MTNR1B: variants seen among roughly 807,000 people sequenced by gnomAD.
MTNR1B encodes the protein melatonin receptor 1B, also known as melatonin receptor type 1B.
A neutral mutation model predicts 7.0 loss-of-function variants in MTNR1B; 7 were observed. The ratio of observed to expected loss-of-function variants is 1.00; its 90% confidence interval spans 0.57 to 1.88. The LOEUF (loss-of-function observed/expected upper bound fraction) is 1.88, where lower values mean the gene tolerates loss of function less well. Ranked by LOEUF, MTNR1B falls within the 40% of genes most tolerant of loss-of-function variation. The probability of loss-of-function intolerance (pLI) is 0.00; values close to 1 mark genes in which losing one functional copy is unlikely to be tolerated. For synonymous variants in MTNR1B, 226 were observed against 208.2 expected (o/e 1.09, Z -0.74); for missense variants, 478 against 486.5 (o/e 0.98, Z 0.16).
At chr11:92,974,225 A>G (rs1379883296) in intron 1 of MTNR1B, among the ~76,000 whole-genome samples, 2 of 152,194 alleles carry the variant, frequency 1.3e-5, no homozygotes, top group Non-Finnish European at 2.9e-5. Context: ...TAATTGAATC[A>G]TGAGAGCAAG....
At chr11:92,980,693 A>G (rs1437674996) in intron 1 of MTNR1B, among the ~76,000 whole-genome samples, 1 of 152,198 alleles carries the variant, frequency 6.6e-6, no homozygotes, top group Non-Finnish European at 1.5e-5. Flanking sequence ...CAGGCAAAGC[A>G]GGGAGGCCCC....
chr11:92,982,292 C>T lies in MTNR1B; in HGVS notation c.1069C>T (p.His357Tyr). 6.2e-7 allele frequency: 1 copy of T among 1,612,778 alleles called. No individual in the cohort carries two copies. The highest frequency in any genetic ancestry group is 8.5e-7 in the Non-Finnish European group (1 of 1,179,594). The change falls in exon 2 of 2, where the codon CAC becomes TAC. Residue 357 changes from histidine (H) to tyrosine (Y), a missense_variant. By Grantham distance (83) the His-to-Tyr change is moderately conservative. Coordinates refer to ENST00000257068, the MANE Select transcript of MTNR1B (RefSeq NM_005959.5). Reference protein sequence around the residue: ...SPAPPIIGVQHQADAL With the variant: ...SPAPPIIGVQYQADAL ...AGCTCCACCCATCATTGGTGTGCAGCACCAGGCAGATGCTCTCTAGCCTGG... is the reference window on the plus strand; with the variant it reads ...AGCTCCACCCATCATTGGTGTGCAGTACCAGGCAGATGCTCTCTAGCCTGG...
chr11:92,980,576 G>A (rs543276726), intron 1 of MTNR1B, among the ~76,000 whole-genome samples: 27 of 152,298 alleles, frequency 1.8e-4, no homozygotes, highest in East Asian at 5.8e-4. Flanking sequence ...TAATTGATGG[G>A]TGTATCATTT....
intron 1 of MTNR1B, among the ~76,000 whole-genome samples, chr11:92,976,506 T>TA (rs1365793242): frequency 7.7e-6 from 1 of 129,560 alleles, no homozygotes; most frequent in Non-Finnish European, 1.6e-5. Context: ...CTCTTTCCTT[T>TA]AAGAGAGAAA....
chr11:92,969,871 T>C lies in MTNR1B; in HGVS notation c.146T>C (p.Val49Ala). 2 of 1,611,926 alleles carry C rather than the reference T, an allele frequency of 1.2e-6. No homozygotes were observed. The highest frequency in any genetic ancestry group is 1.7e-6 in the Non-Finnish European group (2 of 1,179,556). Reference protein sequence around the residue: ...VAPALSAVLIVTTAVDVVGNL... With the variant: ...VAPALSAVLIATTAVDVVGNL... Reference sequence around the variant, plus strand: ...CCAGCGCTGTCCGCGGTGCTCATCGTCACCACCGCCGTGGACGTCGTGGGC... The same window carrying C: ...CCAGCGCTGTCCGCGGTGCTCATCGCCACCACCGCCGTGGACGTCGTGGGC... Residue 49 changes from valine to alanine, a missense_variant, in exon 1 of 2, where the codon GTC becomes GCC. By Grantham distance (64) the Val-to-Ala change is moderately conservative (BLOSUM62 0). Coordinates refer to ENST00000257068, the MANE Select transcript of MTNR1B (RefSeq NM_005959.5).
intron 1 of MTNR1B, among the ~76,000 whole-genome samples, chr11:92,975,589 T>C (rs532874558): frequency 4.9e-4 from 74 of 152,324 alleles, no homozygotes; most frequent in African/African-American, 1.7e-3. Context: ...GATGGGAATA[T>C]TCTGCCTATG....
chr11:92,984,017 A>T (rs1449673176), downstream of MTNR1B, among the ~76,000 whole-genome samples: 1 of 152,170 alleles, frequency 6.6e-6, no homozygotes, highest in East Asian at 1.9e-4. Flanking sequence ...ACAGCACCCT[A>T]CTTCTATCCC....
downstream of MTNR1B, chr11:92,984,897 C>T (rs763092378): frequency 7.5e-5 from 34 of 456,084 alleles, no homozygotes; most frequent in Non-Finnish European, 1.5e-4. Flanking sequence ...TTTGGAATGA[C>T]CTCATGCTGT....
chr11:92,970,310 C>T (rs765156876), intron 1 of MTNR1B, among the ~76,000 whole-genome samples: 8 of 152,234 alleles, frequency 5.3e-5, no homozygotes, highest in Non-Finnish European at 8.8e-5. Context: ...AGAAATCTCA[C>T]CACCTGTACT....
intron 1 of MTNR1B, among the ~76,000 whole-genome samples, chr11:92,977,996 A>G (rs1858037767): frequency 6.6e-6 from 1 of 152,368 alleles, no homozygotes; most frequent in South Asian, 2.1e-4. Flanking sequence ...TCCATCTGGC[A>G]TAGTCAAAGG....
chr11:92,979,742 G>C (rs1359806710), intron 1 of MTNR1B, among the ~76,000 whole-genome samples: 1 of 152,170 alleles, frequency 6.6e-6, no homozygotes, highest in African/African-American at 2.4e-5. Context: ...ACTTGTGTGG[G>C]TTCTCAGTGG....
In MTNR1B at chr11:92,982,070, C is replaced by T. The variant is rs1244321359; in HGVS notation, c.847C>T (p.Pro283Ser). ...AVAINPQEMAPQIPEGLFVTS... is the reference protein window; with the variant it reads ...AVAINPQEMASQIPEGLFVTS... Reference sequence around the variant, plus strand: ...GGCCATCAACCCCCAAGAAATGGCTCCCCAGATCCCTGAGGGGCTATTTGT... The same window carrying T: ...GGCCATCAACCCCCAAGAAATGGCTTCCCAGATCCCTGAGGGGCTATTTGT... Residue 283 changes from proline (P) to serine (S), a missense_variant, in exon 2 of 2, where the codon CCC (proline) becomes TCC (serine). Coordinates refer to ENST00000257068, the MANE Select transcript of MTNR1B (RefSeq NM_005959.5). 2 of 1,614,108 alleles carry T rather than the reference C, an allele frequency of 1.2e-6. No homozygotes were observed. Among genetic ancestry groups the T allele is most frequent in the African/African-American group, 2.7e-5 (2 of 74,932 alleles).
Position 92,969,848 on chromosome 11 carries a change from A to G in MTNR1B, c.123A>G (p.Pro41=). 1.2e-6 allele frequency: 2 copies of G among 1,610,048 alleles called. No homozygotes were observed. The highest frequency in any genetic ancestry group is 8.5e-7 in the Non-Finnish European group (1 of 1,178,986). Residue 41 remains proline, a synonymous_variant, in exon 1 of 2, where the codon CCA becomes CCG. Coordinates refer to ENST00000257068, the MANE Select transcript of MTNR1B (RefSeq NM_005959.5). ...CCCCTCGACCTCCCTGGGTGGCTCC[A>G]GCGCTGTCCGCGGTGCTCATCGTCA... The part of the protein sequence containing the change: ...SRTPRPPWVA[P]ALSAVLIVTT...
At chr11:92,982,891 TACATATGTTACACAC>T (rs1234699019), downstream of MTNR1B, 1 of 146,694 alleles carries the variant, frequency 6.8e-6, no homozygotes, top group Non-Finnish European at 1.5e-5. Context: ...TGTGTACACA[TACATATGTTACACAC>T]ACATAGCCAC....
In MTNR1B at chr11:92,981,990, T is replaced by C. The variant is rs778480621; in HGVS notation, c.767T>C (p.Val256Ala). 1 of 1,614,196 alleles carries C rather than the reference T, an allele frequency of 6.2e-7. No individual in the cohort carries two copies. The highest frequency in any genetic ancestry group is 8.5e-7 in the Non-Finnish European group (1 of 1,180,034). ...DLRSFLTMFV[V>A]FVIFAICWAP... ...CGGAGCTTTCTAACCATGTTTGTGG[T>C]GTTTGTGATCTTTGCCATCTGCTGG... The change falls in exon 2 of 2, where the codon GTG (valine) becomes GCG (alanine). Residue 256 changes from valine to alanine, a missense_variant. Val to Ala is a moderately conservative substitution (Grantham distance 64). Transcript: ENST00000257068.
chr11:92,969,665 G>C lies in MTNR1B; in HGVS notation c.-61G>C. The C allele has an allele frequency of 7.3e-7, 1 of 1,369,694 alleles. No individual in the cohort carries two copies. Among genetic ancestry groups the C allele is most frequent in the Non-Finnish European group, 9.4e-7 (1 of 1,062,002 alleles). 84.8% of individuals were successfully genotyped at this position (1,369,694 alleles called of 1,614,324 possible). On this transcript the variant is annotated 5_prime_UTR_variant, in exon 1 of 2. Coordinates refer to ENST00000257068, the MANE Select transcript of MTNR1B (RefSeq NM_005959.5). ...AAGAGAGCGCCCGGCTCAGTACTGCGCGCGCCCTGCGGCTGTCCGGGGCCG... is the reference window on the plus strand; with the variant it reads ...AAGAGAGCGCCCGGCTCAGTACTGCCCGCGCCCTGCGGCTGTCCGGGGCCG...
intron 1 of MTNR1B, among the ~76,000 whole-genome samples, chr11:92,970,517 G>T (rs1857907439): frequency 6.6e-6 from 1 of 152,224 alleles, no homozygotes; most frequent in Non-Finnish European, 1.5e-5. Flanking sequence ...TGCTTGGACT[G>T]AACTAAATTG....
Position 92,982,082 on chromosome 11 carries a change from G to A in MTNR1B, c.859G>A (p.Glu287Lys), listed in dbSNP as rs1301989909. 4 of 1,614,208 alleles carry A rather than the reference G, an allele frequency of 2.5e-6. No homozygotes were observed. Among genetic ancestry groups the A allele is most frequent in the East Asian group, 4.5e-5 (2 of 44,866 alleles). The change falls in exon 2 of 2, where the codon GAG becomes AAG. Residue 287 changes from glutamate to lysine, a missense_variant. Coordinates refer to ENST00000257068, the MANE Select transcript of MTNR1B (RefSeq NM_005959.5). Reference protein sequence around the residue: ...NPQEMAPQIPEGLFVTSYLLA... With the variant: ...NPQEMAPQIPKGLFVTSYLLA... ...CCAAGAAATGGCTCCCCAGATCCCT[G>A]AGGGGCTATTTGTCACTAGCTACTT...
intron 1 of MTNR1B, among the ~76,000 whole-genome samples, chr11:92,970,591 G>C (rs1386745011): frequency 6.6e-6 from 1 of 152,154 alleles, no homozygotes; most frequent in African/African-American, 2.4e-5. Flanking sequence ...GAAAATTAAA[G>C]CAATGATTTG....
Sources: gnomAD v4.1 joint callset for allele counts (sites outside exome capture counted in the v4.1 genomes callset) on GRCh38, gnomAD v4.1.1 for gene constraint, MANE v1.5 for transcripts, NCBI Gene and HGNC (gene_info 2026-07-23, HGNC 2026-07-21) for gene names.